The following HRH2 variants were observed in gnomAD, a reference collection of about 807,000 sequenced individuals.
HRH2 encodes the protein histamine receptor H2.
Under a neutral mutation model 20.1 loss-of-function variants are expected in HRH2, and 4 were observed. That is an observed-to-expected ratio of 0.20 (90% CI 0.10 to 0.45). The LOEUF (loss-of-function observed/expected upper bound fraction) is 0.45, where lower values mean the gene tolerates loss of function less well. Among genes scored for constraint, HRH2 ranks in the 20% least tolerant of loss-of-function variants. The pLI, the probability that HRH2 is intolerant of heterozygous loss-of-function variation, is 0.99. For missense variants in HRH2, 250 were observed against 461.6 expected, an observed-to-expected ratio of 0.54 and a Z score of 4.20; for synonymous variants, 197 against 200.7, an observed-to-expected ratio of 0.98 and a Z score of 0.16.
At chr5:175,679,686 T>C (rs995849223) in intron 1 of HRH2, among the ~76,000 whole-genome samples, 5 of 152,070 alleles carry the variant, frequency 3.3e-5, no homozygotes, top group African/African-American at 7.2e-5. Flanking sequence ...AGGAGAGTGG[T>C]TGAAGTGAAT....
At chr5:175,682,288 A>C (rs1353259667) in intron 1 of HRH2, among the ~76,000 whole-genome samples, 7 of 152,202 alleles carry the variant, frequency 4.6e-5, no homozygotes, top group African/African-American at 9.6e-5. Flanking sequence ...ACTTCAGAGG[A>C]GTAGATTCAT....
rs735051 is a variant in HRH2, at chr5:175,709,779, T to C, written c.*1808T>C. 0.11 allele frequency: 17,192 copies of C among 151,972 alleles called. 1,176 individuals carry two copies. Among genetic ancestry groups the C allele is most frequent in the African/African-American group, 0.19 (7,874 of 41,212 alleles). 9.4% of individuals were successfully genotyped at this position (151,972 alleles called of 1,614,324 possible). A position where few individuals can be genotyped will look rare whatever the true frequency, so the allele number is the denominator to read the frequency against. On this transcript the variant is annotated 3_prime_UTR_variant, in exon 3 of 3. Coordinates refer to ENST00000636584, the MANE Select transcript of HRH2 (RefSeq NM_001367711.1). ...GCCCCCACCCAGTCCACCCCCTACC[T>C]GACAGCCAGAGTGGGCCATGCCAGA...
In HRH2 at chr5:175,686,223, G is replaced by C. The variant is rs868808542; in HGVS notation, c.1076+1914G>C. 6.6e-6 allele frequency: 1 copy of C among 152,358 alleles called. No homozygotes were observed. The highest frequency in any genetic ancestry group is 3.4e-3 in the Middle Eastern group (1 of 294). 9.4% of individuals were successfully genotyped at this position (152,358 alleles called of 1,614,324 possible). A position where few individuals can be genotyped will look rare whatever the true frequency, so the allele number is the denominator to read the frequency against. On this transcript the variant is annotated intron_variant, in intron 2 of 2. Coordinates refer to ENST00000636584, the MANE Select transcript of HRH2 (RefSeq NM_001367711.1). The surrounding 1 kb of genome is among the most constrained non-coding windows in gnomAD (Gnocchi z 4.7). ...AGTTCACAAAGTATAAAAAAATACA[G>C]GGATGTGGTTCAGCTAGAAGGTGGT... is the stretch of plus-strand genomic sequence containing the variant.
At chr5:175,666,939 T>C (rs966698807) in intron 1 of HRH2, among the ~76,000 whole-genome samples, 1 of 152,126 alleles carries the variant, frequency 6.6e-6, no homozygotes, top group Admixed American at 6.5e-5. Flanking sequence ...GTCCAATCCC[T>C]GCTCAAAAAA....
At position 175,686,368 on chromosome 5, in the gene HRH2, C is replaced by T. The variant is rs1174245271; in HGVS notation, c.1076+2059C>T. 6.6e-6 allele frequency: 1 copy of T among 152,218 alleles called. No individual in the cohort carries two copies. The highest frequency in any genetic ancestry group is 2.4e-5 in the African/African-American group (1 of 41,442). 9.4% of individuals were successfully genotyped at this position (152,218 alleles called of 1,614,324 possible). On this transcript the variant is annotated intron_variant, in intron 2 of 2. Transcript: ENST00000636584. This position sits in a 1 kb window ranked among gnomAD's most constrained non-coding sequence, Gnocchi z 4.7. ...AGGGAACTTATTCATTCAATAAGCACTTAACAACAATAGCTAACATTCATT... is the reference window on the plus strand; with the variant it reads ...AGGGAACTTATTCATTCAATAAGCATTTAACAACAATAGCTAACATTCATT...
chr5:175,670,767 C>T (rs1003555479), intron 1 of HRH2, among the ~76,000 whole-genome samples: 4 of 152,234 alleles, frequency 2.6e-5, no homozygotes, highest in African/African-American at 9.6e-5. Flanking sequence ...TAATCCCTAC[C>T]CTCATTGCTG....
chr5:175,676,956 G>T (rs1379041319), intron 1 of HRH2, among the ~76,000 whole-genome samples: 1 of 152,148 alleles, frequency 6.6e-6, no homozygotes, highest in Non-Finnish European at 1.5e-5. Context: ...GTGTGTGTCT[G>T]TATACCACTG....
In HRH2 at chr5:175,686,489, CTA is replaced by C. The variant is rs1581441209; in HGVS notation, c.1076+2181_1076+2182del. On this transcript the variant is annotated intron_variant, in intron 2 of 2. Transcript: ENST00000636584. The surrounding 1 kb of genome is among the most constrained non-coding windows in gnomAD (Gnocchi z 4.7). ...CCTACTCCCACCCCTGCACCAAGTG[CTA>C]AGGGCACAAAGTGAGATAGAGCATC... Among the ~76,000 whole-genome samples the C allele has an allele frequency of 6.6e-6, 1 of 152,368 alleles. No homozygotes were observed. The highest frequency in any genetic ancestry group is 1.9e-4 in the East Asian group (1 of 5,186).
chr5:175,673,364 G>C (rs1755632558), intron 1 of HRH2, among the ~76,000 whole-genome samples: 1 of 151,672 alleles, frequency 6.6e-6, no homozygotes, highest in Non-Finnish European at 1.5e-5. Flanking sequence ...TGAGCAACCA[G>C]GTGTTTGGAG....
chr5:175,658,080 C>A lies in HRH2; in HGVS notation c.-601C>A. The A allele has an allele frequency of 6.6e-6, 1 of 152,012 alleles. No individual in the cohort carries two copies. Among genetic ancestry groups the A allele is most frequent in the Non-Finnish European group, 1.5e-5 (1 of 68,014 alleles). 9.4% of individuals were successfully genotyped at this position (152,012 alleles called of 1,614,324 possible). On this transcript the variant is annotated 5_prime_UTR_variant, in exon 1 of 3. Coordinates refer to ENST00000636584, the MANE Select transcript of HRH2 (RefSeq NM_001367711.1). ...GCGCGCGCCGCCCGCTGCATCCCTG[C>A]CCGGAGCGCAGCCGGCGCGGGCGCG... is the stretch of plus-strand genomic sequence containing the variant.
rs1757011013 is a variant in HRH2, at chr5:175,708,481, C to T, written c.*510C>T. On this transcript the variant is annotated 3_prime_UTR_variant, in exon 3 of 3. Transcript: ENST00000636584. Reference sequence around the variant, plus strand: ...ACCAGGTGCTTCCCTGGCATGAGCTCTCGTAACCCTTATAGCAACATGAGT... The same window carrying T: ...ACCAGGTGCTTCCCTGGCATGAGCTTTCGTAACCCTTATAGCAACATGAGT... 6.6e-6 allele frequency: 1 copy of T among 152,376 alleles called. No individual in the cohort carries two copies. The highest frequency in any genetic ancestry group is 1.5e-5 in the Non-Finnish European group (1 of 68,190). The allele number at this position is 152,376 out of a possible 1,614,324, so 9.4% of individuals were successfully genotyped here.
intron 1 of HRH2, among the ~76,000 whole-genome samples, chr5:175,675,951 G>A (rs1021918817): frequency 2.6e-5 from 4 of 152,122 alleles, no homozygotes; most frequent in Admixed American, 2.0e-4. Flanking sequence ...TCTCACTGCC[G>A]CCCTCCTGAG....
intron 2 of HRH2, among the ~76,000 whole-genome samples, chr5:175,702,725 C>CTT (rs1166650598): frequency 1.2e-4 from 15 of 123,672 alleles, no homozygotes; most frequent in African/African-American, 2.7e-4. Context: ...CTAATTTTTT[C>CTT]TTTTTTTTTT....
In HRH2 at chr5:175,683,382, G is replaced by A. The variant is rs748602374; in HGVS notation, c.149G>A (p.Arg50His). Residue 50 changes from arginine to histidine, a missense_variant, in exon 2 of 3, where the codon CGC becomes CAC. By Grantham distance (29) the Arg-to-His change is conservative. This residue lies in a region of HRH2 where 86 missense variants were observed against 176.4 expected (regional missense o/e 0.49). Coordinates refer to ENST00000636584, the MANE Select transcript of HRH2 (RefSeq NM_001367711.1). ...CLAVGLNRRL[R>H]NLTNCFIVSL... ...GCCGTGGGCTTGAACCGCCGGCTCC[G>A]CAACCTGACCAATTGTTTCATCGTG... The A allele has an allele frequency of 4.3e-6, 7 of 1,614,154 alleles. No individual in the cohort carries two copies. The highest frequency in any genetic ancestry group is 1.6e-4 in the Middle Eastern group (1 of 6,062).
intron 1 of HRH2, among the ~76,000 whole-genome samples, chr5:175,672,772 C>T (rs886932354): frequency 8.6e-5 from 13 of 152,034 alleles, no homozygotes; most frequent in Admixed American, 7.9e-4. Context: ...GAGAAACACA[C>T]GAAATGCTAG....
rs1046497083 is a variant in HRH2, at chr5:175,707,866, C to T, written c.1164C>T (p.His388=). ...SLWGLRFLQR[H]MGGPSEELSG... ...GGGGGCTCAGGTTCCTTCAGAGACA[C>T]ATGGGAGGCCCCTCGGAGGAGCTAT... The change falls in exon 3 of 3, where the codon CAC becomes CAT. Residue 388 remains histidine (H), a synonymous_variant. Coordinates refer to ENST00000636584, the MANE Select transcript of HRH2 (RefSeq NM_001367711.1). 76 of 399,340 alleles carry T rather than the reference C, an allele frequency of 1.9e-4. No individual in the cohort carries two copies. Among genetic ancestry groups the T allele is most frequent in the African/African-American group, 1.3e-3 (62 of 48,766 alleles). The allele number at this position is 399,340 out of a possible 1,614,324, so 24.7% of individuals were successfully genotyped here. A position where few individuals can be genotyped will look rare whatever the true frequency, so the allele number is the denominator to read the frequency against.
At chr5:175,688,839 T>C (rs1006997469) in intron 2 of HRH2, among the ~76,000 whole-genome samples, 4 of 152,200 alleles carry the variant, frequency 2.6e-5, no homozygotes, top group African/African-American at 7.2e-5. Flanking sequence ...CCTGTGTTTC[T>C]GGACCCCTGC....
intron 2 of HRH2, among the ~76,000 whole-genome samples, chr5:175,692,032 C>T (rs999756838): frequency 6.6e-5 from 10 of 152,082 alleles, no homozygotes; most frequent in Non-Finnish European, 1.3e-4. Flanking sequence ...GTGCAGAAAA[C>T]GGCCTACACA....
chr5:175,690,299 T>G lies in HRH2; in HGVS notation c.1076+5990T>G, dbSNP rs553899970. ...CTCCTGGGGTGTTGGAGGGTGGGTCTGCCTAGTATGAGCCATGGCCACACC... is the reference window on the plus strand; with the variant it reads ...CTCCTGGGGTGTTGGAGGGTGGGTCGGCCTAGTATGAGCCATGGCCACACC... On this transcript the variant is annotated intron_variant, in intron 2 of 2. Transcript: ENST00000636584. 2.6e-5 allele frequency among the ~76,000 whole-genome samples: 4 copies of G among 152,308 alleles called. No individual in the cohort carries two copies. The East Asian group carries it at 5.8e-4, about 22-fold the overall frequency.
Sources: gnomAD v4.1 joint callset for allele counts (sites outside exome capture counted in the v4.1 genomes callset) on GRCh38, gnomAD v4.1.1 for gene constraint, gnomAD v4.1.1 regional missense constraint, Gnocchi (gnomAD v3.1) non-coding constraint, MANE v1.5 for transcripts, NCBI Gene and HGNC (gene_info 2026-07-23, HGNC 2026-07-21) for gene names.